RASSF3: variants seen among roughly 807,000 people sequenced by gnomAD.
The protein encoded by RASSF3 is Ras association domain family member 3.
In RASSF3, 19 loss-of-function variants were observed where a neutral mutation model predicts 19.9. That is an observed-to-expected ratio of 0.96 (90% CI 0.67 to 1.40). The LOEUF is 1.40. Ranked by LOEUF, RASSF3 falls within the 40% of genes most tolerant of loss-of-function variation. The probability of loss-of-function intolerance (pLI) is 0.00; values close to 1 mark genes in which losing one functional copy is unlikely to be tolerated. For missense variants in RASSF3, 306 were observed against 289.8 expected (o/e 1.06, Z -0.41); for synonymous variants, 110 against 104.2 (o/e 1.06, Z -0.34).
At chr12:64,636,089 G>T (rs1469684735) in intron 1 of RASSF3, among the ~76,000 whole-genome samples, 1 of 151,548 alleles carries the variant, frequency 6.6e-6, no homozygotes, top group East Asian at 1.9e-4. Flanking sequence ...CAAAGAAGTT[G>T]GGGGTTTCTG....
At chr12:64,528,471 C>T (rs1868636596), upstream of RASSF3, among the ~76,000 whole-genome samples, 1 of 152,168 alleles carries the variant, frequency 6.6e-6, no homozygotes, top group Non-Finnish European at 1.5e-5. Context: ...GCCAGAAATA[C>T]AGGAATTCAG....
chr12:64,647,172 C>G (rs972750297), intron 1 of RASSF3, among the ~76,000 whole-genome samples: 1 of 152,160 alleles, frequency 6.6e-6, no homozygotes, highest in Non-Finnish European at 1.5e-5. Flanking sequence ...CCCTCCACCT[C>G]CTGGCACCCC....
rs781539996 is a variant in RASSF3 at position 64,697,327 on chromosome 12, T to C, written c.*2415T>C. 3 of 152,192 alleles carry C rather than the reference T, an allele frequency of 2.0e-5. No individual in the cohort carries two copies. The highest frequency in any genetic ancestry group is 4.4e-5 in the Non-Finnish European group (3 of 68,036). 9.4% of individuals were successfully genotyped at this position (152,192 alleles called of 1,614,324 possible). A position where few individuals can be genotyped will look rare whatever the true frequency, so the allele number is the denominator to read the frequency against. On this transcript the variant is annotated 3_prime_UTR_variant, in exon 5 of 5. Transcript: ENST00000542104. ...TTAAGAATCATTGTACAAATCATTA[T>C]GTTAAACTATCTAAGCTTTGCTGTA...
chr12:64,641,970 G>T (rs868656609), intron 1 of RASSF3, among the ~76,000 whole-genome samples: 14 of 151,904 alleles, frequency 9.2e-5, no homozygotes, highest in Non-Finnish European at 2.1e-4. Flanking sequence ...TCGAACTCCC[G>T]ACCTCAGGTG....
chr12:64,587,767 C>T (rs746461459), intron 2 of RASSF3, among the ~76,000 whole-genome samples: 13 of 152,146 alleles, frequency 8.5e-5, no homozygotes, highest in Non-Finnish European at 1.6e-4. Flanking sequence ...ATGATTCCCA[C>T]CACTTCCAGC....
intron 2 of RASSF3, among the ~76,000 whole-genome samples, chr12:64,549,404 G>T (rs1350202412): frequency 1.3e-5 from 2 of 152,148 alleles, no homozygotes; most frequent in East Asian, 1.9e-4. Flanking sequence ...TGTGCACTTT[G>T]CTTCCTTTGT....
intron 2 of RASSF3, among the ~76,000 whole-genome samples, chr12:64,555,518 G>A (rs1869241539): frequency 6.6e-6 from 1 of 152,186 alleles, no homozygotes; most frequent in Non-Finnish European, 1.5e-5. Flanking sequence ...GGGAGGCCGA[G>A]GCAGGCGGAT....
intron 1 of RASSF3, among the ~76,000 whole-genome samples, chr12:64,682,634 G>T (rs995604919): frequency 1.3e-5 from 2 of 150,624 alleles, no homozygotes; most frequent in Non-Finnish European, 2.9e-5. Flanking sequence ...AGGGTCTAAA[G>T]TCAAAGATCT....
chr12:64,543,369 C>T (rs1043642187), downstream of RASSF3, among the ~76,000 whole-genome samples: 29 of 150,540 alleles, frequency 1.9e-4, no homozygotes, highest in African/African-American at 6.1e-4. Flanking sequence ...TGCCTCCCCA[C>T]GGGGCAGGGC....
At chr12:64,602,760 G>C (rs1042360384) in intron 2 of RASSF3, among the ~76,000 whole-genome samples, 1 of 151,894 alleles carries the variant, frequency 6.6e-6, no homozygotes, top group Non-Finnish European at 1.5e-5. Context: ...AAAACAGAAA[G>C]CCTCACAACT....
At chr12:64,558,268 C>T (rs1223753095) in intron 2 of RASSF3, among the ~76,000 whole-genome samples, 1 of 152,186 alleles carries the variant, frequency 6.6e-6, no homozygotes, top group Non-Finnish European at 1.5e-5. Context: ...CATTCATGTG[C>T]CCATGGTGCC....
chr12:64,610,292 T>C (rs1485918038), upstream of RASSF3, among the ~76,000 whole-genome samples: 6 of 151,242 alleles, frequency 4.0e-5, no homozygotes, highest in African/African-American at 1.5e-4. Flanking sequence ...CGCGACGCTG[T>C]CGGGAGAAAC....
intron 1 of RASSF3, among the ~76,000 whole-genome samples, chr12:64,512,789 G>A (rs1250009986): frequency 6.6e-6 from 1 of 152,196 alleles, no homozygotes; most frequent in Non-Finnish European, 1.5e-5. Flanking sequence ...CTGCTCTAAT[G>A]AGCAATCTTA....
intron 1 of RASSF3, among the ~76,000 whole-genome samples, chr12:64,664,796 G>T (rs1378565266): frequency 2.0e-5 from 3 of 152,114 alleles, no homozygotes; most frequent in Non-Finnish European, 2.9e-5. Context: ...CTCTGATTTT[G>T]GGGGGTCATC....
chr12:64,527,264 TG>T (rs1453878027), intron 1 of RASSF3, among the ~76,000 whole-genome samples: 1 of 152,230 alleles, frequency 6.6e-6, no homozygotes, highest in Non-Finnish European at 1.5e-5. Context: ...GGTTAGAACC[TG>T]GTCCTGCCAT....
intron 1 of RASSF3, among the ~76,000 whole-genome samples, chr12:64,641,428 G>GCGCGCGCGCGCGCGCA (rs1565858569): frequency 3.2e-5 from 2 of 61,948 alleles, no homozygotes; most frequent in African/African-American, 1.4e-4. Flanking sequence ...GCGCGCGCGC[G>GCGCGCGCGCGCGCGCA]TTGAAAACAA....
chr12:64,543,699 T>TGAAGCCTGCTGGGC (rs1369661726), downstream of RASSF3, among the ~76,000 whole-genome samples: 1 of 151,060 alleles, frequency 6.6e-6, no homozygotes, highest in African/African-American at 2.4e-5. Flanking sequence ...ATCCACTGGG[T>TGAAGCCTGCTGGGC]GAAGCCTGCT....
chr12:64,670,546 T>A (rs74100751), intron 1 of RASSF3, among the ~76,000 whole-genome samples: 1 of 47,270 alleles, frequency 2.1e-5, no homozygotes, highest in Non-Finnish European at 5.3e-5. Context: ...CTCTCTCTCT[T>A]TTTTTTTTTT....
At chr12:64,673,363 T>C (rs1418169155) in intron 1 of RASSF3, among the ~76,000 whole-genome samples, 3 of 152,202 alleles carry the variant, frequency 2.0e-5, no homozygotes, top group Non-Finnish European at 4.4e-5. Flanking sequence ...TTTATTAATG[T>C]TTTCAATTTT....
Sources: gnomAD v4.1 joint callset for allele counts (sites outside exome capture counted in the v4.1 genomes callset) on GRCh38, gnomAD v4.1.1 for gene constraint, MANE v1.5 for transcripts, NCBI Gene and HGNC (gene_info 2026-07-23, HGNC 2026-07-21) for gene names.